The following PTPRD variants were observed in gnomAD, a reference collection of about 807,000 sequenced individuals.
The protein encoded by PTPRD is protein tyrosine phosphatase receptor type D.
In PTPRD, 34 loss-of-function variants were observed where a neutral mutation model predicts 214.5. The ratio of observed to expected loss-of-function variants is 0.16; its 90% confidence interval spans 0.12 to 0.21. The LOEUF (loss-of-function observed/expected upper bound fraction) is 0.21, where lower values mean the gene tolerates loss of function less well. Among genes scored for constraint, PTPRD ranks in the 10% least tolerant of loss-of-function variants. PTPRD has a pLI of 1.00. For synonymous variants in PTPRD, 1,128 were observed against 845.7 expected, an observed-to-expected ratio of 1.33 and a Z score of -5.79; for missense variants, 2,545 against 2,398.7, an observed-to-expected ratio of 1.06 and a Z score of -1.27.
intron 5 of PTPRD, among the ~76,000 whole-genome samples, chr9:9,867,876 A>G (rs2064378706): frequency 6.6e-6 from 1 of 152,202 alleles, no homozygotes. Context: ...GCCCCAGGGT[A>G]GGGGAGGCAA....
At chr9:10,384,181 G>T (rs12341559) in intron 2 of PTPRD, among the ~76,000 whole-genome samples, 21,859 of 151,576 alleles carry the variant, frequency 0.14, 2,190 homozygotes, top group East Asian at 0.53. Flanking sequence ...GAGTATAATT[G>T]GATTGTTTGT....
intron 7 of PTPRD, among the ~76,000 whole-genome samples, chr9:9,712,961 A>G (rs1057180002): frequency 2.6e-5 from 4 of 152,226 alleles, no homozygotes; most frequent in African/African-American, 7.2e-5. Context: ...GAAAAAACTC[A>G]TTTGCTAAAT....
chr9:8,798,346 C>A (rs564290362), intron 11 of PTPRD, among the ~76,000 whole-genome samples: 55 of 152,198 alleles, frequency 3.6e-4, no homozygotes, highest in Non-Finnish European at 5.9e-4. Flanking sequence ...AATTTTTTAA[C>A]AGTTTAAATC....
chr9:9,520,670 T>C (rs2096949366), intron 8 of PTPRD, among the ~76,000 whole-genome samples: 1 of 152,194 alleles, frequency 6.6e-6, no homozygotes, highest in Non-Finnish European at 1.5e-5. Flanking sequence ...GCATGGTCTA[T>C]CTTGAAAGTA....
rs565757297 is a variant in PTPRD at position 9,978,606 on chromosome 9, C to T, written c.-471-39996G>A. Among the ~76,000 whole-genome samples, 31 of 151,940 alleles carry T rather than the reference C, an allele frequency of 2.0e-4. No individual in the cohort carries two copies. The South Asian group carries it at 2.3e-3, about 11-fold the overall frequency. The stretch of plus-strand genomic sequence containing the variant: ...GACTATTATGAATGTCCTTCAGTCC[C>T]GCAGAAAGAACTGATGGAGAACAGA... On this transcript the variant is annotated intron_variant, in intron 4 of 45. Coordinates refer to ENST00000381196, the MANE Select transcript of PTPRD (RefSeq NM_002839.4).
intron 2 of PTPRD, among the ~76,000 whole-genome samples, chr9:10,421,102 G>C (rs915693164): frequency 2.6e-5 from 4 of 151,804 alleles, no homozygotes; most frequent in African/African-American, 9.7e-5. Flanking sequence ...ATCTCATAAT[G>C]TCTTAAGAAA....
chr9:9,143,555 T>C (rs183830893), intron 10 of PTPRD, among the ~76,000 whole-genome samples: 4 of 152,338 alleles, frequency 2.6e-5, no homozygotes, highest in African/African-American at 9.6e-5. Flanking sequence ...TTAATCATAG[T>C]AATTTTTAAA....
chr9:8,657,522 G>A (rs926845461), intron 12 of PTPRD, among the ~76,000 whole-genome samples: 1 of 152,056 alleles, frequency 6.6e-6, no homozygotes, highest in African/African-American at 2.4e-5. Context: ...TAATTTCCTT[G>A]TAGAGTCTGG....
chr9:9,010,788 A>G (rs894588205), intron 11 of PTPRD, among the ~76,000 whole-genome samples: 2 of 152,118 alleles, frequency 1.3e-5, no homozygotes, highest in Non-Finnish European at 2.9e-5. Context: ...TGAGTGTGCC[A>G]TCAGTTGCTG....
intron 26 of PTPRD, among the ~76,000 whole-genome samples, chr9:8,496,556 C>T (rs925600341): frequency 6.6e-6 from 1 of 152,166 alleles, no homozygotes; most frequent in East Asian, 1.9e-4. Flanking sequence ...AAACATTCCT[C>T]CCTCAGCGAC....
At chr9:10,557,378 T>G (rs531995411) in intron 2 of PTPRD, among the ~76,000 whole-genome samples, 1 of 152,276 alleles carries the variant, frequency 6.6e-6, no homozygotes, top group South Asian at 2.1e-4. Context: ...CAGCATTCTT[T>G]CTCTCTTTCT....
At chr9:10,184,519 A>ACCCTG (rs2099319560) in intron 3 of PTPRD, among the ~76,000 whole-genome samples, 1 of 152,150 alleles carries the variant, frequency 6.6e-6, no homozygotes, top group African/African-American at 2.4e-5. Flanking sequence ...GGATCTGTGA[A>ACCCTG]TCCCCAGCCC....
At chr9:10,414,856 A>G (rs756299901) in intron 2 of PTPRD, among the ~76,000 whole-genome samples, 6 of 151,938 alleles carry the variant, frequency 3.9e-5, no homozygotes, top group Non-Finnish European at 7.4e-5. Context: ...CAAATACCAC[A>G]TGTTCTCAGT....
At chr9:8,490,971 C>A (rs1434577602) in intron 27 of PTPRD, among the ~76,000 whole-genome samples, 6 of 152,142 alleles carry the variant, frequency 3.9e-5, no homozygotes, top group Non-Finnish European at 8.8e-5. Context: ...TCTTCACAGT[C>A]ACATAAATAT....
At position 9,855,406 on chromosome 9, in the gene PTPRD, T is replaced by C. The variant is rs186309542; in HGVS notation, c.-368+83101A>G. ...AAAATAGCAGAGGCTCTCTCTACTT[T>C]GCCACATCATAGCTGATCATAAGAA... is the stretch of plus-strand genomic sequence containing the variant. On this transcript the variant is annotated intron_variant, in intron 5 of 45. Transcript: ENST00000381196. 1.2e-3 allele frequency among the ~76,000 whole-genome samples: 183 copies of C among 152,220 alleles called. 1 individual carries two copies. Among genetic ancestry groups the C allele is most frequent in the African/African-American group, 4.0e-3 (165 of 41,552 alleles).
intron 14 of PTPRD, among the ~76,000 whole-genome samples, chr9:8,592,748 A>C (rs1333417839): frequency 1.3e-5 from 2 of 152,154 alleles, no homozygotes; most frequent in African/African-American, 2.4e-5. Context: ...ATTTTCACTA[A>C]ATTAGTGCTT....
intron 2 of PTPRD, among the ~76,000 whole-genome samples, chr9:10,342,768 C>A (rs1292396717): frequency 6.6e-6 from 1 of 152,042 alleles, no homozygotes; most frequent in African/African-American, 2.4e-5. Context: ...GTTAAGCAAT[C>A]CCTTGGACTG....
At chr9:10,135,329 TC>T (rs1214572083) in intron 3 of PTPRD, among the ~76,000 whole-genome samples, 2 of 152,094 alleles carry the variant, frequency 1.3e-5, no homozygotes, top group East Asian at 1.9e-4. Flanking sequence ...ATACAAGTTT[TC>T]CCAATCTCAT....
chr9:10,100,025 GT>G (rs1216737415), intron 3 of PTPRD, among the ~76,000 whole-genome samples: 1 of 151,666 alleles, frequency 6.6e-6, no homozygotes, highest in African/African-American at 2.4e-5. Flanking sequence ...ATGTATATGT[GT>G]TTTCGGTGTG....
Sources: gnomAD v4.1 joint callset for allele counts (sites outside exome capture counted in the v4.1 genomes callset) on GRCh38, gnomAD v4.1.1 for gene constraint, MANE v1.5 for transcripts, NCBI Gene and HGNC (gene_info 2026-07-23, HGNC 2026-07-21) for gene names.